MAD1L1: variants seen among roughly 807,000 people sequenced by gnomAD.
MAD1L1 encodes the protein mitotic arrest deficient 1 like 1.
Under a neutral mutation model 96.9 loss-of-function variants are expected in MAD1L1, and 95 were observed. That is an observed-to-expected ratio of 0.98 (90% CI 0.83 to 1.16). MAD1L1 has a LOEUF of 1.16. Among genes scored for constraint, MAD1L1 ranks in the 50% most tolerant of loss-of-function variants. MAD1L1 has a pLI of 0.00. For missense variants in MAD1L1, 1,007 were observed against 954.4 expected (o/e 1.06, Z -0.73); for synonymous variants, 473 against 396.6 (o/e 1.19, Z -2.29).
At chr7:2,199,313 G>A (rs567655108) in intron 10 of MAD1L1, among the ~76,000 whole-genome samples, 1 of 152,362 alleles carries the variant, frequency 6.6e-6, no homozygotes, top group Non-Finnish European at 1.5e-5. Context: ...TGCTCTCCAA[G>A]AAAGGAGTTT....
At chr7:2,087,367 C>G (rs1010561138) in intron 11 of MAD1L1, among the ~76,000 whole-genome samples, 1 of 152,280 alleles carries the variant, frequency 6.6e-6, no homozygotes, top group Non-Finnish European at 1.5e-5. Context: ...TGGCGAAACC[C>G]TGTCTCTACT....
At position 2,225,466 on chromosome 7, in the gene MAD1L1, T is replaced by C; in HGVS notation, c.235A>G (p.Lys79Glu). 1 of 1,614,172 alleles carries C rather than the reference T, an allele frequency of 6.2e-7. No homozygotes were observed. The highest frequency in any genetic ancestry group is 8.5e-7 in the Non-Finnish European group (1 of 1,180,044). The change falls in exon 4 of 19, where the codon AAG (lysine) becomes GAG (glutamate). Residue 79 changes from lysine (K) to glutamate (E), a missense_variant. Physicochemically the swap from Lys to Glu is moderately conservative, Grantham distance 56 (BLOSUM62 1). Coordinates refer to ENST00000265854, the MANE Select transcript of MAD1L1 (RefSeq NM_001013836.2). The stretch of plus-strand genomic sequence containing the variant: ...CTCTCCAGCTCCACTCGAGCCCTCT[T>C]GTGACTCAGCTCCATCTGCATTTTC... ...REKMQMELSH[K>E]RARVELERAA...
intron 12 of MAD1L1, among the ~76,000 whole-genome samples, chr7:2,037,264 G>C (rs1283242330): frequency 6.7e-6 from 1 of 149,806 alleles, no homozygotes; most frequent in Non-Finnish European, 1.5e-5. Context: ...GAAGATGGTA[G>C]AGACTTTTCA....
intron 17 of MAD1L1, among the ~76,000 whole-genome samples, chr7:1,906,537 T>A (rs909310920): frequency 2.0e-5 from 3 of 152,236 alleles, no homozygotes; most frequent in African/African-American, 7.2e-5. Context: ...GCTCCTGTTC[T>A]CCGCATGCTC....
chr7:1,843,920 C>A (rs1047872437), intron 18 of MAD1L1, among the ~76,000 whole-genome samples: 5 of 152,370 alleles, frequency 3.3e-5, no homozygotes, highest in Non-Finnish European at 7.3e-5. Context: ...GCCACGGCCA[C>A]TCCATGGCTA....
intron 11 of MAD1L1, among the ~76,000 whole-genome samples, chr7:2,145,415 G>A (rs995899260): frequency 2.6e-5 from 4 of 152,242 alleles, no homozygotes; most frequent in Non-Finnish European, 4.4e-5. Flanking sequence ...AGGTGCCACC[G>A]TGGGGCTTCC....
At chr7:1,863,731 C>G (rs543681971) in intron 18 of MAD1L1, among the ~76,000 whole-genome samples, 1 of 152,300 alleles carries the variant, frequency 6.6e-6, no homozygotes, top group African/African-American at 2.4e-5. Flanking sequence ...CCTGCAGTCC[C>G]GGAACACCGT....
intron 13 of MAD1L1, among the ~76,000 whole-genome samples, chr7:2,006,270 T>C (rs778589227): frequency 9.2e-5 from 14 of 151,820 alleles, no homozygotes; most frequent in South Asian, 2.1e-4. Flanking sequence ...ACATGAAGTT[T>C]CCAAGTAACA....
At chr7:1,872,435 T>A (rs1012912494) in intron 18 of MAD1L1, among the ~76,000 whole-genome samples, 1 of 152,156 alleles carries the variant, frequency 6.6e-6, no homozygotes, top group Non-Finnish European at 1.5e-5. Flanking sequence ...TCCCCGTCTG[T>A]CTCTGCTCCC....
At chr7:1,989,139 TG>T (rs1467338953) in intron 14 of MAD1L1, among the ~76,000 whole-genome samples, 1 of 151,960 alleles carries the variant, frequency 6.6e-6, no homozygotes, top group East Asian at 1.9e-4. Context: ...AAGCACAGGG[TG>T]AAGTTCAGGA....
chr7:2,083,644 G>C (rs1481576541), intron 11 of MAD1L1, among the ~76,000 whole-genome samples: 3 of 152,266 alleles, frequency 2.0e-5, no homozygotes, highest in Non-Finnish European at 4.4e-5. Context: ...AGATGGAAGA[G>C]GCAACGGCAT....
intron 10 of MAD1L1, among the ~76,000 whole-genome samples, chr7:2,162,883 T>G (rs1238017585): frequency 6.6e-6 from 1 of 151,336 alleles, no homozygotes; most frequent in Non-Finnish European, 1.5e-5. Context: ...TTTTTTTTTT[T>G]TTTTGCATGA....
chr7:2,178,532 G>A (rs1791045816), intron 10 of MAD1L1, among the ~76,000 whole-genome samples: 1 of 152,192 alleles, frequency 6.6e-6, no homozygotes, highest in African/African-American at 2.4e-5. Context: ...CAAGAAGAGG[G>A]GAATTCACCC....
At chr7:2,190,296 T>C (rs184585075) in intron 10 of MAD1L1, among the ~76,000 whole-genome samples, 2 of 152,126 alleles carry the variant, frequency 1.3e-5, no homozygotes, top group African/African-American at 2.4e-5. Flanking sequence ...GAAATTCAAA[T>C]GGGAAACAGA....
intron 18 of MAD1L1, among the ~76,000 whole-genome samples, chr7:1,824,167 C>T (rs1562427659): frequency 6.6e-6 from 1 of 152,164 alleles, no homozygotes; most frequent in Non-Finnish European, 1.5e-5. Flanking sequence ...ACAGACCTTC[C>T]AGATAGACGG....
chr7:2,198,664 T>C (rs1234054515), intron 10 of MAD1L1, among the ~76,000 whole-genome samples: 1 of 152,214 alleles, frequency 6.6e-6, no homozygotes, highest in Non-Finnish European at 1.5e-5. Flanking sequence ...CAGGCGTCCA[T>C]GAGACAGACA....
intron 12 of MAD1L1, among the ~76,000 whole-genome samples, chr7:2,042,118 C>T (rs561722518): frequency 9.2e-5 from 14 of 152,010 alleles, no homozygotes; most frequent in Middle Eastern, 6.8e-3. Context: ...CACACACACA[C>T]GCAGACACAC....
chr7:1,925,379 C>T lies in MAD1L1; in HGVS notation c.1807+11308G>A, dbSNP rs535827003. ...AGCAGGCATCCTAGTCTATTGGCGG[C>T]GCTATCACAGAATACCTGAGATTAA... On this transcript the variant is annotated intron_variant, in intron 17 of 18. Transcript: ENST00000265854. Among the ~76,000 whole-genome samples the T allele has an allele frequency of 1.6e-4, 25 of 152,312 alleles. No homozygotes were observed. In the East Asian group the frequency reaches 3.7e-3, roughly 22 times the overall value.
At chr7:2,007,452 C>T (rs866790808) in intron 13 of MAD1L1, among the ~76,000 whole-genome samples, 2 of 152,154 alleles carry the variant, frequency 1.3e-5, no homozygotes, top group African/African-American at 4.8e-5. Context: ...GAGGCCGAGG[C>T]GGGTGGATCA....
Sources: gnomAD v4.1 joint callset for allele counts (sites outside exome capture counted in the v4.1 genomes callset) on GRCh38, gnomAD v4.1.1 for gene constraint, MANE v1.5 for transcripts, NCBI Gene and HGNC (gene_info 2026-07-23, HGNC 2026-07-21) for gene names.